Variants in EPB41L2 observed in about 807,000 individuals in gnomAD.
The protein encoded by EPB41L2 is band 4.1-like protein 2.
A neutral mutation model predicts 113.0 loss-of-function variants in EPB41L2; 43 were observed. The ratio of observed to expected loss-of-function variants is 0.38; its 90% CI spans 0.30 to 0.49. The LOEUF is 0.49. EPB41L2 is among the 20% of genes least tolerant of loss of function. EPB41L2 has a pLI of 0.95. For synonymous variants in EPB41L2, 442 were observed against 436.7 expected (o/e 1.01, Z -0.15); for missense variants, 1,147 against 1,223.4 (o/e 0.94, Z 0.93).
At chr6:130,880,030 A>C in intron 13 of EPB41L2, 114 bp downstream of exon 13, 1 of 720,836 alleles carries the variant, frequency 1.4e-6, no homozygotes, top group South Asian at 1.8e-5. Flanking sequence ...GAATTCCCCC[A>C]TGCACTGCAT....
intron 1 of EPB41L2, among the ~76,000 whole-genome samples, chr6:130,989,629 A>T (rs977899868): frequency 2.6e-5 from 4 of 152,228 alleles, no homozygotes; most frequent in Non-Finnish European, 5.9e-5. Flanking sequence ...TGCTGTTATA[A>T]CGAAACCTTC....
chr6:131,013,828 C>T (rs953382764), intron 1 of EPB41L2, among the ~76,000 whole-genome samples: 6 of 152,098 alleles, frequency 3.9e-5, no homozygotes, highest in African/African-American at 1.4e-4. Context: ...AAATTGAAAG[C>T]AAGTCACCAA....
chr6:131,046,138 C>A (rs888496603), intron 1 of EPB41L2, among the ~76,000 whole-genome samples: 1 of 145,562 alleles, frequency 6.9e-6, no homozygotes, highest in African/African-American at 2.6e-5. Flanking sequence ...CCAGGCCAGT[C>A]TCAACCTCCT....
At chr6:131,060,350 A>G (rs578174793) in intron 1 of EPB41L2, among the ~76,000 whole-genome samples, 5 of 152,398 alleles carry the variant, frequency 3.3e-5, no homozygotes, top group African/African-American at 9.6e-5. Context: ...GATGTTAAAC[A>G]TAACTGTACA....
intron 3 of EPB41L2, among the ~76,000 whole-genome samples, chr6:130,947,618 G>C: frequency 6.6e-6 from 1 of 152,052 alleles, no homozygotes; most frequent in African/African-American, 2.4e-5. Flanking sequence ...TTCCGGTGTA[G>C]AGATACAGAA....
chr6:131,056,240 T>A (rs1214504238), intron 1 of EPB41L2, among the ~76,000 whole-genome samples: 1 of 152,346 alleles, frequency 6.6e-6, no homozygotes, highest in African/African-American at 2.4e-5. Context: ...AAAATTCTAC[T>A]CACTAATAGG....
chr6:130,883,976 G>A (rs1358872004), intron 12 of EPB41L2, among the ~76,000 whole-genome samples: 1 of 152,150 alleles, frequency 6.6e-6, no homozygotes, highest in Admixed American at 6.5e-5. Context: ...GGCACTGGCA[G>A]CTACTTCATC....
intron 1 of EPB41L2, among the ~76,000 whole-genome samples, chr6:130,985,977 A>G (rs1780453129): frequency 1.3e-5 from 2 of 152,126 alleles, no homozygotes; most frequent in Non-Finnish European, 2.9e-5. Flanking sequence ...AACCCATTCT[A>G]TAGGGCCTGA....
chr6:130,909,138 T>C (rs1313890881), intron 4 of EPB41L2, among the ~76,000 whole-genome samples: 3 of 152,162 alleles, frequency 2.0e-5, no homozygotes, highest in Non-Finnish European at 1.5e-5. Context: ...ATGGTCCAAA[T>C]GATGAGACAT....
At chr6:130,977,581 T>C (rs934247770) in intron 1 of EPB41L2, among the ~76,000 whole-genome samples, 1 of 152,098 alleles carries the variant, frequency 6.6e-6, no homozygotes, top group Non-Finnish European at 1.5e-5. Context: ...TCTACAATGC[T>C]CCCCAGCTCT....
intron 1 of EPB41L2, among the ~76,000 whole-genome samples, chr6:130,989,454 T>C (rs17059925): frequency 0.057 from 8,464 of 148,114 alleles, 372 homozygotes; most frequent in East Asian, 0.14. Flanking sequence ...TGATGTATTA[T>C]GGAATGGGCT....
At chr6:131,046,387 T>C (rs1795464631) in intron 1 of EPB41L2, among the ~76,000 whole-genome samples, 1 of 151,728 alleles carries the variant, frequency 6.6e-6, no homozygotes, top group Non-Finnish European at 1.5e-5. Flanking sequence ...AACTAATGAG[T>C]GTACTGGGAC....
At chr6:130,894,928 GC>G in intron 9 of EPB41L2, 38 bp downstream of exon 9, 1 of 1,570,950 alleles carries the variant, frequency 6.4e-7, no homozygotes, top group East Asian at 2.3e-5. Flanking sequence ...TCGTAAACAG[GC>G]CGACTAACAA....
At chr6:130,976,612 G>T (rs961032062) in intron 1 of EPB41L2, among the ~76,000 whole-genome samples, 3 of 152,138 alleles carry the variant, frequency 2.0e-5, no homozygotes, top group African/African-American at 7.2e-5. Context: ...TAAAAGAGTG[G>T]TGGCTGAGAA....
At chr6:130,848,532 C>T (rs755005062) in intron 19 of EPB41L2, among the ~76,000 whole-genome samples, 22 of 152,036 alleles carry the variant, frequency 1.4e-4, no homozygotes, top group Non-Finnish European at 2.6e-4. Context: ...CAGTAAATAT[C>T]TTATACTTAC....
At chr6:131,053,868 A>G (rs1797106268) in intron 1 of EPB41L2, among the ~76,000 whole-genome samples, 1 of 152,268 alleles carries the variant, frequency 6.6e-6, no homozygotes, top group Non-Finnish European at 1.5e-5. Flanking sequence ...AAAGGCAACT[A>G]CAGGCTGTGC....
chr6:130,968,841 C>T (rs1252857766), intron 1 of EPB41L2, among the ~76,000 whole-genome samples: 2 of 151,474 alleles, frequency 1.3e-5, no homozygotes, highest in Admixed American at 6.6e-5. Flanking sequence ...GGCTAGAATA[C>T]GTTTTTACTT....
intron 5 of EPB41L2, among the ~76,000 whole-genome samples, chr6:130,904,842 T>A (rs542145870): frequency 1.3e-5 from 2 of 152,174 alleles, no homozygotes; most frequent in South Asian, 4.1e-4. Flanking sequence ...AATTTTAATA[T>A]AACCTCCATG....
At chr6:130,968,242 A>G (rs941366365) in intron 1 of EPB41L2, among the ~76,000 whole-genome samples, 2 of 152,218 alleles carry the variant, frequency 1.3e-5, no homozygotes, top group East Asian at 3.8e-4. Context: ...CACAGGCTGC[A>G]GACGCTGCAT....
Sources: gnomAD v4.1 joint callset for allele counts (sites outside exome capture counted in the v4.1 genomes callset) on GRCh38, gnomAD v4.1.1 for gene constraint, MANE v1.5 for transcripts, NCBI Gene and HGNC (gene_info 2026-07-23, HGNC 2026-07-21) for gene names.